Variants in TSG101 observed in about 807,000 individuals in gnomAD.
TSG101 encodes tumor susceptibility 101.
TSG101 carries 19 observed loss-of-function variants against 48.5 expected under a neutral mutation model. The observed-to-expected ratio is 0.39, with a 90% CI of 0.27 to 0.58. TSG101 has a LOEUF of 0.58. TSG101 is among the 20% of genes least tolerant of loss of function. The pLI, the probability that TSG101 is intolerant of heterozygous loss-of-function variation, is 0.55. For missense variants in TSG101, 365 were observed against 484.4 expected, an observed-to-expected ratio of 0.75 and a Z score of 2.31; for synonymous variants, 174 against 169.4, an observed-to-expected ratio of 1.03 and a Z score of -0.21.
chr11:18,506,384 CTTCTTTTAAAAAAAA>C (rs1321882200), intron 6 of TSG101, among the ~76,000 whole-genome samples: 2 of 99,706 alleles, frequency 2.0e-5, no homozygotes, highest in Non-Finnish European at 5.1e-5. Flanking sequence ...ATAATACTCT[CTTCTTTTAAAAAAAA>C]AAAAATACAT....
chr11:18,499,239 TTA>T (rs1010273023), intron 7 of TSG101, among the ~76,000 whole-genome samples: 14 of 136,852 alleles, frequency 1.0e-4, no homozygotes, highest in Non-Finnish European at 1.7e-4. Context: ...TGATATATAA[TTA>T]TATATTTATA....
At chr11:18,503,577 T>A (rs960291213) in intron 6 of TSG101, among the ~76,000 whole-genome samples, 2 of 152,020 alleles carry the variant, frequency 1.3e-5, no homozygotes, top group African/African-American at 4.8e-5. Flanking sequence ...TTTCACCATG[T>A]TAGCCAGGAT....
intron 4 of TSG101, among the ~76,000 whole-genome samples, chr11:18,513,537 C>A (rs1850122071): frequency 6.6e-6 from 1 of 152,038 alleles, no homozygotes; most frequent in Non-Finnish European, 1.5e-5. Context: ...TGAGCTCAAG[C>A]AATCCTCCTG....
rs567299163 is a variant in TSG101 at position 18,483,951 on chromosome 11, A to T, written c.762T>A (p.Asn254Lys). Residue 254 changes from asparagine (N) to lysine (K), a missense_variant, in exon 8 of 10, where the codon AAT becomes AAA. Transcript: ENST00000251968. Reference sequence around the variant, plus strand: ...GGTCTTCTTCTGTTCGTTTCAAGGCATTGAGCTCTGCCTGGGCACGATCCA... The same window carrying T: ...GGTCTTCTTCTGTTCGTTTCAAGGCTTTGAGCTCTGCCTGGGCACGATCCA... ...EEMDRAQAEL[N>K]ALKRTEEDLK... 6.2e-7 allele frequency: 1 copy of T among 1,614,048 alleles called. No individual in the cohort carries two copies. The highest frequency in any genetic ancestry group is 1.3e-5 in the African/African-American group (1 of 74,924).
chr11:18,521,570 T>C (rs1402543855), intron 1 of TSG101, among the ~76,000 whole-genome samples: 1 of 151,422 alleles, frequency 6.6e-6, no homozygotes, highest in African/African-American at 2.4e-5. Flanking sequence ...GATCTCACTA[T>C]GTTGCCCAAG....
intron 8 of TSG101, among the ~76,000 whole-genome samples, chr11:18,482,505 C>A (rs1016800275): frequency 6.6e-6 from 1 of 152,204 alleles, no homozygotes; most frequent in Non-Finnish European, 1.5e-5. Context: ...CAAAAACACA[C>A]ATTTACTGGA....
At chr11:18,492,537 A>G (rs1211765125) in intron 7 of TSG101, among the ~76,000 whole-genome samples, 1 of 152,196 alleles carries the variant, frequency 6.6e-6, no homozygotes, top group East Asian at 1.9e-4. Context: ...GAATATGTTC[A>G]GGCAAATGCT....
intron 7 of TSG101, among the ~76,000 whole-genome samples, chr11:18,500,718 G>T (rs1382310750): frequency 6.6e-6 from 1 of 151,690 alleles, no homozygotes; most frequent in Non-Finnish European, 1.5e-5. Context: ...ATATTTATTA[G>T]TTCCTTGTCA....
chr11:18,523,459 C>T (rs1850313239), intron 1 of TSG101, among the ~76,000 whole-genome samples: 1 of 152,236 alleles, frequency 6.6e-6, no homozygotes, highest in Admixed American at 6.5e-5. Context: ...ATCCCTAGAA[C>T]CTAAAACAGT....
intron 4 of TSG101, among the ~76,000 whole-genome samples, chr11:18,510,408 A>G (rs1334472145): frequency 6.6e-6 from 1 of 152,164 alleles, no homozygotes; most frequent in Non-Finnish European, 1.5e-5. Flanking sequence ...GCGACAGAGC[A>G]AGACTCTGTC....
chr11:18,506,063 GATCCGCCTGC>G (rs1025337311), intron 6 of TSG101, among the ~76,000 whole-genome samples: 3 of 152,092 alleles, frequency 2.0e-5, no homozygotes, highest in African/African-American at 7.2e-5. Flanking sequence ...GACCTCAGGT[GATCCGCCTGC>G]ATCGGCCTCC....
intron 7 of TSG101, among the ~76,000 whole-genome samples, chr11:18,492,369 A>G (rs1351591461): frequency 6.6e-6 from 1 of 152,236 alleles, no homozygotes; most frequent in Admixed American, 6.5e-5. Flanking sequence ...GTCTTTTTAT[A>G]GTTAGTGAAT....
rs916743410 is a variant in TSG101, at chr11:18,481,440, T to G, written c.1083+190A>C. On this transcript the variant is annotated intron_variant, in intron 9 of 9. Coordinates refer to ENST00000251968, the MANE Select transcript of TSG101 (RefSeq NM_006292.4). Reference sequence around the variant, plus strand: ...AGCCACCAGCCCACTTCTCTTCCCCTGCTCAGACCAATCCTCAGTACTCTG... The same window carrying G: ...AGCCACCAGCCCACTTCTCTTCCCCGGCTCAGACCAATCCTCAGTACTCTG... The G allele has an allele frequency of 2.2e-5, 30 of 1,384,110 alleles. No individual in the cohort carries two copies. In the African/African-American group the frequency reaches 4.2e-4, roughly 19 times the overall value. 85.7% of individuals were successfully genotyped at this position (1,384,110 alleles called of 1,614,324 possible).
chr11:18,511,955 T>C (rs1055451219), intron 4 of TSG101, among the ~76,000 whole-genome samples: 3 of 150,376 alleles, frequency 2.0e-5, no homozygotes, highest in African/African-American at 7.3e-5. Context: ...ATTAATGTGG[T>C]AGTATGAATC....
chr11:18,500,784 T>G (rs1213639173), intron 7 of TSG101, among the ~76,000 whole-genome samples: 1 of 151,794 alleles, frequency 6.6e-6, no homozygotes, highest in East Asian at 1.9e-4. Context: ...TTTACTTTGT[T>G]GACTATCTCC....
At chr11:18,525,641 G>T (rs1194502243) in intron 1 of TSG101, 1 of 977,646 alleles carries the variant, frequency 1.0e-6, no homozygotes, top group Non-Finnish European at 1.2e-6. Flanking sequence ...ATATATAAAA[G>T]TTACAACATG....
intron 7 of TSG101, among the ~76,000 whole-genome samples, chr11:18,493,543 C>T (rs982170977): frequency 6.6e-6 from 1 of 152,138 alleles, no homozygotes; most frequent in African/African-American, 2.4e-5. Flanking sequence ...AAGTAAACTA[C>T]CTGCCCAGCA....
rs778770714 is a variant in TSG101 at position 18,481,778 on chromosome 11, T to C, written c.935A>G (p.Asn312Ser). 3.2e-5 allele frequency: 51 copies of C among 1,614,072 alleles called. No homozygotes were observed. The Admixed American group carries it at 6.5e-4, about 21-fold the overall frequency. Residue 312 changes from asparagine (N) to serine (S), a missense_variant, in exon 9 of 10, where the codon AAT (asparagine) becomes AGT (serine). Physicochemically the swap from Asn to Ser is conservative, Grantham distance 46. Coordinates refer to ENST00000251968, the MANE Select transcript of TSG101 (RefSeq NM_006292.4). Reference protein sequence around the residue: ...LEKMENQSENNDIDEVIIPTA... With the variant: ...LEKMENQSENSDIDEVIIPTA... Reference sequence around the variant, plus strand: ...GGGAATGATAACTTCATCGATATCATTGTTTTCAGACTGATTTTCCATTTT... The same window carrying C: ...GGGAATGATAACTTCATCGATATCACTGTTTTCAGACTGATTTTCCATTTT...
intron 7 of TSG101, among the ~76,000 whole-genome samples, chr11:18,501,773 G>C (rs937849250): frequency 1.3e-5 from 2 of 152,088 alleles, no homozygotes; most frequent in African/African-American, 4.8e-5. Flanking sequence ...GTCTCAATTG[G>C]ACTCTTTAAG....
Sources: allele counts gnomAD v4.1 joint callset (sites outside exome capture counted in the v4.1 genomes callset), GRCh38; gene constraint gnomAD v4.1.1; transcripts MANE v1.5; gene names NCBI Gene and HGNC (gene_info 2026-07-23, HGNC 2026-07-21).